PALD1: variants seen among roughly 807,000 people sequenced by gnomAD.
The protein encoded by PALD1 is phosphatase domain containing paladin 1.
A neutral mutation model predicts 96.0 loss-of-function variants in PALD1; 57 were observed. The ratio of observed to expected loss-of-function variants is 0.59; its 90% CI spans 0.48 to 0.74. The LOEUF (loss-of-function observed/expected upper bound fraction) is 0.74, where lower values mean the gene tolerates loss of function less well. Ranked by LOEUF, PALD1 falls within the 30% of genes least tolerant of loss-of-function variation. The pLI is 0.00. For synonymous variants in PALD1, 464 were observed against 473.6 expected (o/e 0.98, Z 0.26); for missense variants, 1,063 against 1,143.7 (o/e 0.93, Z 1.02).
At position 70,539,777 on chromosome 10, in the gene PALD1, C is replaced by T. The variant is rs750174194; in HGVS notation, c.1908+15C>T. ...CCCGAGAGGAGGTGAGGGTGCTGCT[C>T]AGGCTGAGGCCTCTGGGGAGGGACA... is the stretch of plus-strand genomic sequence containing the variant. On this transcript the variant is annotated intron_variant, in intron 15 of 19. Coordinates refer to ENST00000263563, the MANE Select transcript of PALD1 (RefSeq NM_014431.3). This position sits in a 1 kb window ranked among gnomAD's most constrained non-coding sequence, Gnocchi z 4.5. 1.2e-6 allele frequency: 2 copies of T among 1,601,534 alleles called. No homozygotes were observed. Among genetic ancestry groups the T allele is most frequent in the Non-Finnish European group, 1.7e-6 (2 of 1,176,430 alleles).
At chr10:70,478,390 G>A (rs1845862995), upstream of PALD1, among the ~76,000 whole-genome samples, 1 of 152,216 alleles carries the variant, frequency 6.6e-6, no homozygotes, top group South Asian at 2.1e-4. Context: ...GAGGGAAGCC[G>A]GGCCAGCGGG....
At chr10:70,466,340 G>A in the PALD1 span, among the ~76,000 whole-genome samples, 1 of 151,842 alleles carries the variant, frequency 6.6e-6, no homozygotes, top group Non-Finnish European at 1.5e-5. Context: ...CTGCCTCCTA[G>A]GTTCAAGCGA....
intron 1 of PALD1, among the ~76,000 whole-genome samples, chr10:70,521,385 G>T (rs185749239): frequency 1.8e-4 from 27 of 152,244 alleles, no homozygotes; most frequent in African/African-American, 5.5e-4. Context: ...ATCCTTATAG[G>T]GTTCTGGGGA....
intron 10 of PALD1, among the ~76,000 whole-genome samples, chr10:70,535,200 C>T (rs1847084635): frequency 6.6e-6 from 1 of 152,194 alleles, no homozygotes; most frequent in African/African-American, 2.4e-5. Flanking sequence ...GGGGTTTGGT[C>T]CAGCTGGCTG....
At chr10:70,507,418 A>G (rs570953219) in intron 1 of PALD1, among the ~76,000 whole-genome samples, 2 of 151,880 alleles carry the variant, frequency 1.3e-5, no homozygotes, top group African/African-American at 4.9e-5. Context: ...GTCTCAAAAA[A>G]CAAACAAACA....
chr10:70,518,906 C>A (rs1304255148), intron 1 of PALD1, among the ~76,000 whole-genome samples: 1 of 152,202 alleles, frequency 6.6e-6, no homozygotes, highest in Non-Finnish European at 1.5e-5. Context: ...CATACTGACA[C>A]ATCTCTGTGT....
chr10:70,471,395 T>C, the PALD1 span, among the ~76,000 whole-genome samples: 12 of 152,242 alleles, frequency 7.9e-5, 1 homozygote, highest in African/African-American at 2.9e-4. Flanking sequence ...GACTTATTCA[T>C]CACCTTAGAG....
chr10:70,529,323 C>A lies in PALD1; in HGVS notation c.280C>A (p.Leu94Met), dbSNP rs771602879. The A allele has an allele frequency of 3.2e-6, 5 of 1,575,736 alleles. No homozygotes were observed. Among genetic ancestry groups the A allele is most frequent in the Non-Finnish European group, 4.3e-6 (5 of 1,151,046 alleles). ...CTCGGACAACACCCCTGAGCACTAC[C>A]TGGTGCAAGTGAGCTCAGGCCTTAC... ...RLSDNTPEHY[L>M]VQGRYFLVRD... Residue 94 changes from leucine to methionine, a missense_variant, in exon 3 of 20, where the codon CTG becomes ATG. By Grantham distance (15) the Leu-to-Met change is conservative (BLOSUM62 2). Coordinates refer to ENST00000263563, the MANE Select transcript of PALD1 (RefSeq NM_014431.3).
intron 1 of PALD1, among the ~76,000 whole-genome samples, chr10:70,487,130 A>ATTTTTTTT (rs10669002): frequency 3.6e-5 from 4 of 110,424 alleles, no homozygotes; most frequent in Non-Finnish European, 3.5e-5. Context: ...TCTGAGCCCA[A>ATTTTTTTT]TTTTTTTTTT....
At chr10:70,531,639 C>T (rs1846993880) in intron 5 of PALD1, among the ~76,000 whole-genome samples, 185 bp downstream of exon 5, 1 of 152,110 alleles carries the variant, frequency 6.6e-6, no homozygotes, top group Non-Finnish European at 1.5e-5. Flanking sequence ...TATTCTAGCT[C>T]TCTTTGCCTC....
At chr10:70,469,456 G>A in the PALD1 span, among the ~76,000 whole-genome samples, 1 of 152,188 alleles carries the variant, frequency 6.6e-6, no homozygotes, top group Non-Finnish European at 1.5e-5. Context: ...GGCCTTCCAA[G>A]CCAGCGGAGC....
chr10:70,473,895 C>G (rs983554420), upstream of PALD1, among the ~76,000 whole-genome samples: 23 of 141,570 alleles, frequency 1.6e-4, no homozygotes, highest in Middle Eastern at 3.5e-3. Context: ...TGATCCACCC[C>G]CCCCCCCTCA....
chr10:70,506,695 A>G (rs1012951851), intron 1 of PALD1, among the ~76,000 whole-genome samples: 1 of 152,118 alleles, frequency 6.6e-6, no homozygotes, highest in Admixed American at 6.5e-5. Context: ...GGGACTTGAT[A>G]GGTGCCCCAT....
intron 18 of PALD1, among the ~76,000 whole-genome samples, chr10:70,549,896 T>G (rs10999386): frequency 0.12 from 17,847 of 152,212 alleles, 1,336 homozygotes; most frequent in South Asian, 0.18. Flanking sequence ...CCAGCTAGGA[T>G]TCTTACCCGC....
In PALD1 at chr10:70,566,796, C is replaced by A; in HGVS notation, c.*63C>A. ...ACGCAGGCCTGGGGTGTCTGAGGTGCTCTTGGCTGGGAGCGGCCCTGAGGG... is the reference window on the plus strand; with the variant it reads ...ACGCAGGCCTGGGGTGTCTGAGGTGATCTTGGCTGGGAGCGGCCCTGAGGG... On this transcript the variant is annotated 3_prime_UTR_variant, in exon 20 of 20. Coordinates refer to ENST00000263563, the MANE Select transcript of PALD1 (RefSeq NM_014431.3). The A allele has an allele frequency of 1.7e-6, 2 of 1,206,446 alleles. No individual in the cohort carries two copies. Among genetic ancestry groups the A allele is most frequent in the Non-Finnish European group, 2.3e-6 (2 of 866,058 alleles). 74.7% of individuals were successfully genotyped at this position (1,206,446 alleles called of 1,614,324 possible). A position where few individuals can be genotyped will look rare whatever the true frequency, so the allele number is the denominator to read the frequency against.
intron 1 of PALD1, among the ~76,000 whole-genome samples, chr10:70,489,119 A>G (rs911787635): frequency 6.6e-6 from 1 of 152,068 alleles, no homozygotes; most frequent in Non-Finnish European, 1.5e-5. Context: ...CCCCTTGCCA[A>G]AGTCTCTTTA....
chr10:70,517,315 A>G (rs1046877348), intron 1 of PALD1, among the ~76,000 whole-genome samples: 6 of 151,884 alleles, frequency 4.0e-5, no homozygotes, highest in Non-Finnish European at 7.4e-5. Flanking sequence ...GCGTTCATAC[A>G]ATGAAATTAC....
chr10:70,461,259 G>A, the PALD1 span, among the ~76,000 whole-genome samples: 1 of 152,180 alleles, frequency 6.6e-6, no homozygotes, highest in African/African-American at 2.4e-5. Flanking sequence ...CATCTAATTA[G>A]CCTTCAAGTC....
At chr10:70,495,654 G>GT (rs984686702) in intron 1 of PALD1, among the ~76,000 whole-genome samples, 2 of 151,984 alleles carry the variant, frequency 1.3e-5, no homozygotes, top group African/African-American at 4.8e-5. Context: ...GGGCATAAGC[G>GT]TTTTCTCTAT....
Sources: allele counts gnomAD v4.1 joint callset (sites outside exome capture counted in the v4.1 genomes callset), GRCh38; gene constraint gnomAD v4.1.1; non-coding constraint Gnocchi (gnomAD v3.1); transcripts MANE v1.5; gene names NCBI Gene and HGNC (gene_info 2026-07-23, HGNC 2026-07-21).